RBFOX1: variants seen among roughly 807,000 people sequenced by gnomAD.
RBFOX1 encodes RNA binding protein fox-1 homolog 1.
RBFOX1 carries 8 observed loss-of-function variants against 57.7 expected under a neutral mutation model. That is an observed-to-expected ratio of 0.14 (90% CI 0.08 to 0.25). The LOEUF is 0.25. RBFOX1 is among the 10% of genes least tolerant of loss of function. The pLI is 1.00. For synonymous variants in RBFOX1, 326 were observed against 222.4 expected, an observed-to-expected ratio of 1.47 and a Z score of -4.15; for missense variants, 611 against 548.5, an observed-to-expected ratio of 1.11 and a Z score of -1.14.
intron 2 of RBFOX1, among the ~76,000 whole-genome samples, chr16:5,516,864 T>C (rs1023849187): frequency 6.6e-5 from 10 of 152,188 alleles, no homozygotes; most frequent in Non-Finnish European, 1.3e-4. Context: ...ATTGTAAGTT[T>C]CCTGCAGCAT....
At chr16:6,689,759 G>C (rs940462768) in intron 3 of RBFOX1, among the ~76,000 whole-genome samples, 9 of 152,206 alleles carry the variant, frequency 5.9e-5, no homozygotes, top group African/African-American at 2.2e-4. Context: ...AATAAACAGA[G>C]AGCCCAGCTG....
At chr16:7,016,858 C>T (rs956150565) in intron 3 of RBFOX1, among the ~76,000 whole-genome samples, 1 of 152,160 alleles carries the variant, frequency 6.6e-6, no homozygotes, top group African/African-American at 2.4e-5. Flanking sequence ...CTGCAGAGAA[C>T]TTAAGACTGT....
At chr16:6,989,142 C>T (rs548471064) in intron 3 of RBFOX1, among the ~76,000 whole-genome samples, 9 of 152,160 alleles carry the variant, frequency 5.9e-5, no homozygotes, top group African/African-American at 9.6e-5. Context: ...GTGATCTGCC[C>T]GCCTCAGCCT....
Position 5,790,870 on chromosome 16 carries a change from T to G in RBFOX1, c.319-76433T>G, listed in dbSNP as rs536832098. Among the ~76,000 whole-genome samples the G allele has an allele frequency of 4.9e-3, 645 of 131,472 alleles. 4 individuals carry two copies. Among genetic ancestry groups the G allele is most frequent in the Non-Finnish European group, 4.2e-3 (269 of 63,508 alleles). The allele number at this position is 131,472 out of a possible 152,430, so 86.3% of individuals were successfully genotyped here. On this transcript the variant is annotated intron_variant, in intron 3 of 19. Coordinates refer to the RBFOX1 transcript ENST00000641259. ...GATGGTGGGTCTTTATTTTTTTTTT[T>G]TTTGTTTTTTTTTTTTGAGACATGA...
chr16:5,602,137 G>A (rs183861987), downstream of RBFOX1, among the ~76,000 whole-genome samples: 3 of 152,218 alleles, frequency 2.0e-5, no homozygotes, highest in East Asian at 1.9e-4. Flanking sequence ...TCAGCTTCCT[G>A]TCTTGCCTTG....
intron 4 of RBFOX1, among the ~76,000 whole-genome samples, chr16:7,502,522 AG>A (rs1422920346): frequency 6.6e-6 from 1 of 152,182 alleles, no homozygotes; most frequent in Non-Finnish European, 1.5e-5. Flanking sequence ...AGCTTTGAAA[AG>A]GGGCTGAAGA....
At chr16:6,874,772 G>A (rs2061537515) in intron 3 of RBFOX1, among the ~76,000 whole-genome samples, 1 of 152,126 alleles carries the variant, frequency 6.6e-6, no homozygotes, top group Admixed American at 6.5e-5. Flanking sequence ...CTTGGGACTT[G>A]AGGGGAAGGG....
intron 4 of RBFOX1, among the ~76,000 whole-genome samples, chr16:7,087,254 C>G (rs2151028298): frequency 6.6e-6 from 1 of 152,288 alleles, no homozygotes; most frequent in Middle Eastern, 3.4e-3. Context: ...CCCAGAGTCA[C>G]CGGCTCTGTG....
At chr16:6,028,840 C>T (rs528732981) in intron 1 of RBFOX1, among the ~76,000 whole-genome samples, 10 of 152,306 alleles carry the variant, frequency 6.6e-5, no homozygotes, top group African/African-American at 2.4e-4. Flanking sequence ...GTCAGAAAAG[C>T]TTTGAGAAGA....
intron 3 of RBFOX1, among the ~76,000 whole-genome samples, chr16:5,659,303 CTTTTT>C (rs779525957): frequency 2.3e-5 from 3 of 128,992 alleles, no homozygotes; most frequent in African/African-American, 8.7e-5. Context: ...ATTGGTATAT[CTTTTT>C]TTTTTTTTTT....
intron 4 of RBFOX1, among the ~76,000 whole-genome samples, chr16:7,411,104 C>G (rs527842623): frequency 6.6e-6 from 1 of 152,164 alleles, no homozygotes; most frequent in Admixed American, 6.5e-5. Flanking sequence ...AGCCACCATG[C>G]CTGACCAATT....
intron 3 of RBFOX1, among the ~76,000 whole-genome samples, chr16:5,629,742 G>A (rs527561235): frequency 6.6e-6 from 1 of 152,158 alleles, no homozygotes; most frequent in Non-Finnish European, 1.5e-5. Context: ...TATTTCAGCC[G>A]AAGGACCTGA....
chr16:5,820,881 C>G (rs1368526177), intron 3 of RBFOX1, among the ~76,000 whole-genome samples: 2 of 152,184 alleles, frequency 1.3e-5, no homozygotes, highest in African/African-American at 4.8e-5. Context: ...CTTCTCTCCT[C>G]TCTGATTGAT....
At chr16:7,155,736 T>G in intron 4 of RBFOX1, among the ~76,000 whole-genome samples, 1 of 83,398 alleles carries the variant, frequency 1.2e-5, no homozygotes, top group Non-Finnish European at 2.1e-5. Context: ...TATATATATA[T>G]ATACACACAC....
intron 3 of RBFOX1, among the ~76,000 whole-genome samples, chr16:6,804,671 T>G (rs544353013): frequency 6.6e-6 from 1 of 152,312 alleles, no homozygotes; most frequent in African/African-American, 2.4e-5. Flanking sequence ...AACAGCCAAC[T>G]TTCTAAAGAA....
intron 2 of RBFOX1, among the ~76,000 whole-genome samples, chr16:6,551,312 C>G (rs1490736498): frequency 1.3e-5 from 2 of 152,154 alleles, no homozygotes; most frequent in Admixed American, 6.5e-5. Context: ...CTGGGATGGT[C>G]TAGTCTGGGG....
chr16:6,859,187 ATATATATATG>A (rs2058561006), intron 3 of RBFOX1, among the ~76,000 whole-genome samples: 2 of 64,010 alleles, frequency 3.1e-5, no homozygotes, highest in East Asian at 6.4e-4. Context: ...ATATATATGT[ATATATATATG>A]TATATATATA....
intron 2 of RBFOX1, among the ~76,000 whole-genome samples, chr16:6,439,792 A>G (rs1356181887): frequency 3.3e-5 from 5 of 152,168 alleles, no homozygotes; most frequent in Middle Eastern, 3.4e-3. Context: ...CTGGCCTTCC[A>G]CATTACAAAC....
chr16:5,347,904 A>C (rs1043720948), intron 1 of RBFOX1, among the ~76,000 whole-genome samples: 484 of 55,438 alleles, frequency 8.7e-3, no homozygotes, highest in Admixed American at 9.3e-3. Context: ...CCTCCCATCC[A>C]CCCCCTCCCC....
Sources: allele counts gnomAD v4.1 joint callset (sites outside exome capture counted in the v4.1 genomes callset), GRCh38; gene constraint gnomAD v4.1.1; transcripts MANE v1.5; gene names NCBI Gene and HGNC (gene_info 2026-07-23, HGNC 2026-07-21).